Variants in CLYBL observed in about 807,000 individuals in gnomAD.
The protein encoded by CLYBL is citramalyl-CoA lyase.
In CLYBL, 31 loss-of-function variants were observed where a neutral mutation model predicts 38.9. The ratio of observed to expected loss-of-function variants is 0.80; its 90% CI spans 0.60 to 1.08. The LOEUF is 1.08. Ranked by LOEUF, CLYBL falls within the 50% of genes least tolerant of loss-of-function variation. The pLI is 0.00. For missense variants in CLYBL, 434 were observed against 411.6 expected, an observed-to-expected ratio of 1.05 and a Z score of -0.47; for synonymous variants, 171 against 158.6, an observed-to-expected ratio of 1.08 and a Z score of -0.59.
intron 2 of CLYBL, among the ~76,000 whole-genome samples, chr13:99,836,485 C>G (rs1264552583): frequency 1.3e-5 from 2 of 152,134 alleles, no homozygotes; most frequent in Admixed American, 6.5e-5. Context: ...TAGGCCCGCA[C>G]CAAATGCAGG....
intron 1 of CLYBL, among the ~76,000 whole-genome samples, chr13:99,731,725 C>T (rs1045940081): frequency 1.3e-5 from 2 of 152,158 alleles, no homozygotes; most frequent in African/African-American, 2.4e-5. Context: ...CAGTGGACCC[C>T]TGGATGGGGA....
chr13:99,647,213 C>G (rs939922571), intron 1 of CLYBL, among the ~76,000 whole-genome samples: 38 of 152,150 alleles, frequency 2.5e-4, no homozygotes, highest in African/African-American at 8.4e-4. Context: ...ACAAAACAAA[C>G]AAAAAACTAC....
chr13:99,872,200 C>T (rs1161526524), intron 7 of CLYBL, among the ~76,000 whole-genome samples: 1 of 152,118 alleles, frequency 6.6e-6, no homozygotes, highest in Non-Finnish European at 1.5e-5. Context: ...CACTCACACA[C>T]CAGCAGGCTC....
At position 99,624,950 on chromosome 13, in the gene CLYBL, C is replaced by T. The variant is rs554439496; in HGVS notation, c.62+18193C>T. 2.0e-5 allele frequency among the ~76,000 whole-genome samples: 3 copies of T among 152,330 alleles called. No homozygotes were observed. In the East Asian group the frequency reaches 5.8e-4, roughly 29 times the overall value. On this transcript the variant is annotated intron_variant, in intron 1 of 8. Transcript: ENST00000339105. ...TTCTGTTTTTGGTTTTTCCCCAACTCTCATCCTTCCCCCACCTTCACCTCA... is the reference window on the plus strand; with the variant it reads ...TTCTGTTTTTGGTTTTTCCCCAACTTTCATCCTTCCCCCACCTTCACCTCA...
rs181341136 is a variant in CLYBL at position 99,884,235 on chromosome 13, A to T, written c.928-7083A>T. 2.0e-3 allele frequency among the ~76,000 whole-genome samples: 301 copies of T among 152,280 alleles called. 3 individuals are homozygous for T. Among genetic ancestry groups the T allele is most frequent in the African/African-American group, 6.6e-3 (274 of 41,550 alleles). On this transcript the variant is annotated intron_variant, in intron 7 of 8. Coordinates refer to ENST00000339105, the MANE Select transcript of CLYBL (RefSeq NM_206808.5). ...ACTGACCAGTGAATATTACCAGATC[A>T]GGGGCACAGAGAGACATGTGCAGAT... is the stretch of plus-strand genomic sequence containing the variant.
intron 1 of CLYBL, among the ~76,000 whole-genome samples, chr13:99,698,613 G>A (rs934638367): frequency 6.6e-6 from 1 of 152,140 alleles, no homozygotes; most frequent in Non-Finnish European, 1.5e-5. Flanking sequence ...GGGGCATGCG[G>A]TGACAAGGGA....
chr13:99,609,828 GC>G (rs1175429899), intron 1 of CLYBL, among the ~76,000 whole-genome samples: 1 of 152,190 alleles, frequency 6.6e-6, no homozygotes, highest in Admixed American at 6.5e-5. Context: ...GAGCCATCAT[GC>G]CCGGCCCTTT....
intron 2 of CLYBL, among the ~76,000 whole-genome samples, chr13:99,844,231 G>A (rs2051148722): frequency 6.6e-6 from 1 of 152,180 alleles, no homozygotes; most frequent in African/African-American, 2.4e-5. Flanking sequence ...TGGGAGTTCT[G>A]CCTCACCTCA....
downstream of CLYBL, chr13:99,895,818 C>T (rs1456784352): frequency 6.6e-6 from 1 of 152,286 alleles, no homozygotes; most frequent in African/African-American, 2.4e-5. Flanking sequence ...CCGTTTCCGC[C>T]AAGCGCGCTG....
chr13:99,620,701 C>T (rs575375807), intron 1 of CLYBL, among the ~76,000 whole-genome samples: 3 of 152,064 alleles, frequency 2.0e-5, no homozygotes, highest in Admixed American at 1.3e-4. Context: ...CGCTTAAACC[C>T]GGAAGGTGGA....
At chr13:99,621,325 C>T (rs1416290634) in intron 1 of CLYBL, among the ~76,000 whole-genome samples, 1 of 152,128 alleles carries the variant, frequency 6.6e-6, no homozygotes. Flanking sequence ...ACCTGTGGCC[C>T]ACATGCACCA....
chr13:99,828,824 C>T (rs2050748333), intron 2 of CLYBL, among the ~76,000 whole-genome samples: 1 of 152,044 alleles, frequency 6.6e-6, no homozygotes, highest in South Asian at 2.1e-4. Context: ...CACTGTGAGC[C>T]TTGCAAATAT....
chr13:99,622,742 T>G (rs2046815858), intron 1 of CLYBL, among the ~76,000 whole-genome samples: 2 of 152,260 alleles, frequency 1.3e-5, no homozygotes, highest in South Asian at 4.1e-4. Context: ...GTCTGTCTTC[T>G]GTCTCTGTGC....
intron 1 of CLYBL, among the ~76,000 whole-genome samples, chr13:99,769,076 A>C (rs1356640748): frequency 6.6e-6 from 1 of 152,182 alleles, no homozygotes; most frequent in African/African-American, 2.4e-5. Context: ...GATTAGAACC[A>C]GCAATCAGTG....
chr13:99,820,730 G>A (rs1950003386), intron 2 of CLYBL, among the ~76,000 whole-genome samples: 1 of 152,160 alleles, frequency 6.6e-6, no homozygotes, highest in African/African-American at 2.4e-5. Flanking sequence ...TGTGTGCTGG[G>A]AAAAACATTT....
At chr13:99,660,876 G>A (rs939402320) in intron 1 of CLYBL, among the ~76,000 whole-genome samples, 5 of 152,178 alleles carry the variant, frequency 3.3e-5, no homozygotes, top group Non-Finnish European at 4.4e-5. Context: ...AGTACTTGAA[G>A]TCACATCTAG....
intron 2 of CLYBL, among the ~76,000 whole-genome samples, chr13:99,789,964 T>A (rs1339906648): frequency 6.6e-6 from 1 of 152,210 alleles, no homozygotes; most frequent in African/African-American, 2.4e-5. Flanking sequence ...GCCTTCTTTG[T>A]CTCTTTTGAT....
intron 1 of CLYBL, among the ~76,000 whole-genome samples, chr13:99,633,030 A>G (rs1047456895): frequency 2.6e-5 from 4 of 152,012 alleles, no homozygotes; most frequent in Non-Finnish European, 5.9e-5. Context: ...ACTTGAGGCC[A>G]GGAATTCATG....
At chr13:99,766,496 A>T (rs1400613961) in intron 1 of CLYBL, among the ~76,000 whole-genome samples, 3 of 152,190 alleles carry the variant, frequency 2.0e-5, no homozygotes, top group Non-Finnish European at 4.4e-5. Flanking sequence ...GAGAGCTTAC[A>T]TATCATCCTC....
Sources: allele counts gnomAD v4.1 joint callset (sites outside exome capture counted in the v4.1 genomes callset), GRCh38; gene constraint gnomAD v4.1.1; transcripts MANE v1.5; gene names NCBI Gene and HGNC (gene_info 2026-07-23, HGNC 2026-07-21).